TAOK2: variants seen among roughly 807,000 people sequenced by gnomAD.
The protein encoded by TAOK2 is serine/threonine-protein kinase TAO2.
In TAOK2, 42 loss-of-function variants were observed where a neutral mutation model predicts 122.5. The observed-to-expected ratio is 0.34, with a 90% confidence interval of 0.27 to 0.44. TAOK2 has a LOEUF of 0.44. Among genes scored for constraint, TAOK2 ranks in the 20% least tolerant of loss-of-function variants. The probability of loss-of-function intolerance (pLI) is 1.00; values close to 1 mark genes in which losing one functional copy is unlikely to be tolerated. For synonymous variants in TAOK2, 704 were observed against 677.6 expected, an observed-to-expected ratio of 1.04 and a Z score of -0.61; for missense variants, 1,264 against 1,644.9, an observed-to-expected ratio of 0.77 and a Z score of 4.01.
intron 13 of TAOK2, among the ~76,000 whole-genome samples, chr16:29,984,541 G>T (rs2069720831): frequency 6.6e-6 from 1 of 152,126 alleles, no homozygotes; most frequent in African/African-American, 2.4e-5. Flanking sequence ...CAATTCTTCA[G>T]ATCCCATGGT....
Position 29,983,212 on chromosome 16 carries a change from GGAGGAGGAGGAGGAGGAA to G in TAOK2, c.1155_1172del (p.Glu387_Glu392del). 6.3e-7 allele frequency: 1 copy of G among 1,577,102 alleles called. No individual in the cohort carries two copies. Among genetic ancestry groups the G allele is most frequent in the Non-Finnish European group, 8.6e-7 (1 of 1,157,376 alleles). On this transcript the variant is annotated inframe_deletion, in exon 12 of 16. Coordinates refer to ENST00000308893, the MANE Select transcript of TAOK2 (RefSeq NM_016151.4). ...CAGATGCCTCAGACAACGAGGAAGA[GGAGGAGGAGGAGGAGGAA>G]GAGGAGGAGGAGGAAGAAGGCCCTG...
In TAOK2 at chr16:29,987,477, T is replaced by C. The variant is rs772206724; in HGVS notation, c.3205T>C (p.Trp1069Arg). The change falls in exon 16 of 16, where the codon TGG becomes CGG. Residue 1069 changes from tryptophan (W) to arginine (R), a missense_variant. Physicochemically the swap from Trp to Arg is moderately radical, Grantham distance 101. This residue lies in a region of TAOK2 where 824 missense variants were observed against 908.7 expected (regional missense o/e 0.91). Transcript: ENST00000308893. ...PLVAMAAGGR[W>R]VRQQGPRVRR... is the part of the protein sequence containing the mutation. ...GGTGGCTATGGCAGCGGGGGGCAGA[T>C]GGGTGCGGCAGCAGGGCCCCCGGGT... is the stretch of plus-strand genomic sequence containing the variant. 2 of 1,592,858 alleles carry C rather than the reference T, an allele frequency of 1.3e-6. No homozygotes were observed. Among genetic ancestry groups the C allele is most frequent in the Non-Finnish European group, 1.7e-6 (2 of 1,168,002 alleles).
In TAOK2 at chr16:29,986,934, G is replaced by T; in HGVS notation, c.2662G>T (p.Gly888Cys). The T allele has an allele frequency of 1.9e-6, 3 of 1,614,070 alleles. No homozygotes were observed. The South Asian group carries it at 3.3e-5, about 18-fold the overall frequency. Residue 888 changes from glycine to cysteine, a missense_variant, in exon 16 of 16, where the codon GGC (glycine) becomes TGC (cysteine). Physicochemically the swap from Gly to Cys is radical, Grantham distance 159. This residue lies in a region of TAOK2 where 824 missense variants were observed against 908.7 expected (regional missense o/e 0.91). Coordinates refer to ENST00000308893, the MANE Select transcript of TAOK2 (RefSeq NM_016151.4). This position sits in a 1 kb window ranked among gnomAD's most constrained non-coding sequence, Gnocchi z 4.2. ...ESLLDEEFEL[G>C]WVQGPALTPV... ...TCTTCTGGATGAGGAGTTTGAGCTT[G>T]GCTGGGTCCAGGGCCCAGCACTGAC...
Position 29,986,830 on chromosome 16 carries a change from C to T in TAOK2, c.2558C>T (p.Ser853Phe). ...PEEIEELRVP[S>F]LVPQERSIVG... ...GAGATAGAGGAGCTTAGGGTGCCCT[C>T]CCTTGTACCCCAGGAGAGGAGCATT... Residue 853 changes from serine to phenylalanine, a missense_variant, in exon 16 of 16, where the codon TCC (serine) becomes TTC (phenylalanine). By Grantham distance (155) the Ser-to-Phe change is radical (BLOSUM62 -2). This residue lies in a region of TAOK2 where 824 missense variants were observed against 908.7 expected (regional missense o/e 0.91). Transcript: ENST00000308893. The surrounding 1 kb of genome is among the most constrained non-coding windows in gnomAD (Gnocchi z 4.2). 1 of 1,614,040 alleles carries T rather than the reference C, an allele frequency of 6.2e-7. No homozygotes were observed. Among genetic ancestry groups the T allele is most frequent in the South Asian group, 1.1e-5 (1 of 91,074 alleles).
intron 1 of TAOK2, among the ~76,000 whole-genome samples, chr16:29,975,356 G>A (rs1014241373): frequency 3.3e-5 from 5 of 152,224 alleles, no homozygotes; most frequent in African/African-American, 1.2e-4. Context: ...GCCGAGAGAG[G>A]TTGCCCAAGG....
chr16:29,983,419 C>CT, intron 12 of TAOK2, 84 bp from the exon 13 acceptor site: 1 of 1,561,758 alleles, frequency 6.4e-7, no homozygotes, highest in South Asian at 1.2e-5. Flanking sequence ...CAGCACTCCT[C>CT]TGAGTCTGAT....
At position 29,982,522 on chromosome 16, in the gene TAOK2, G is replaced by A. The variant is rs528273075; in HGVS notation, c.832-212G>A. Among the ~76,000 whole-genome samples, 101 of 152,354 alleles carry A rather than the reference G, an allele frequency of 6.6e-4. 1 individual carries two copies. The highest frequency in any genetic ancestry group is 2.2e-3 in the African/African-American group (92 of 41,566). On this transcript the variant is annotated intron_variant, in intron 10 of 15. Coordinates refer to ENST00000308893, the MANE Select transcript of TAOK2 (RefSeq NM_016151.4). ...CCAGTTCTCCTGACTGTCCCTGCCT[G>A]TCAGCCATGCTTAGAGGAAGAAGAG... is the stretch of plus-strand genomic sequence containing the variant.
At chr16:29,984,000 G>GGGAGCCCTGTGCCTGT (rs1434105266) in intron 13 of TAOK2, among the ~76,000 whole-genome samples, 1 of 152,192 alleles carries the variant, frequency 6.6e-6, no homozygotes, top group Non-Finnish European at 1.5e-5. Flanking sequence ...CCAGTGCTGG[G>GGGAGCCCTGTGCCTGT]GGAGCCCTGT....
Position 29,987,201 on chromosome 16 carries a change from C to T in TAOK2, c.2929C>T (p.Leu977=). 6.4e-7 allele frequency: 1 copy of T among 1,552,572 alleles called. No homozygotes were observed. The highest frequency in any genetic ancestry group is 1.4e-5 in the African/African-American group (1 of 72,786). Residue 977 remains leucine, a synonymous_variant, in exon 16 of 16, where the codon CTG becomes TTG. Coordinates refer to ENST00000308893, the MANE Select transcript of TAOK2 (RefSeq NM_016151.4). Reference sequence around the variant, plus strand: ...CCTGCTGCTGCTGCTGCTTCCATTGCTGGCAGCCCAGGGTGGGGGTGGCCT... The same window carrying T: ...CCTGCTGCTGCTGCTGCTTCCATTGTTGGCAGCCCAGGGTGGGGGTGGCCT... ...PLLLLLLLPL[L]AAQGGGGLQA...
In TAOK2 at chr16:29,983,652, A is replaced by G; in HGVS notation, c.1410A>G (p.Arg470=). 8.1e-6 allele frequency: 13 copies of G among 1,611,458 alleles called. No homozygotes were observed. The highest frequency in any genetic ancestry group is 1.1e-5 in the Non-Finnish European group (13 of 1,179,364). ...CRNRDHFATI[R]TASLVSRQIQ... ...ACCGAGACCACTTTGCCACCATCCG[A>G]ACCGCCTCCCTGGTGAGTGTAGCCA... is the stretch of plus-strand genomic sequence containing the variant. Residue 470 remains arginine (R), a synonymous_variant, in exon 13 of 16, where the codon CGA becomes CGG. Coordinates refer to ENST00000308893, the MANE Select transcript of TAOK2 (RefSeq NM_016151.4).
chr16:29,977,682 T>A, intron 1 of TAOK2, 56 bp from the exon 2 acceptor site: 1 of 1,510,572 alleles, frequency 6.6e-7, no homozygotes, highest in Admixed American at 2.1e-5. Flanking sequence ...ATGGGTCCCT[T>A]CCTCTCCCTG....
downstream of TAOK2, chr16:29,991,698 CCTCAT>C: frequency 1.7e-6 from 2 of 1,191,434 alleles, no homozygotes; most frequent in East Asian, 3.2e-5. The surrounding 1 kb of genome is among the most constrained non-coding windows in gnomAD (Gnocchi z 5.6). Context: ...CCTCAGACCT[CCTCAT>C]CTCATGAGCT....
At chr16:29,991,124 G>A, downstream of TAOK2, 1 of 1,607,436 alleles carries the variant, frequency 6.2e-7, no homozygotes, top group Non-Finnish European at 8.5e-7. This position sits in a 1 kb window ranked among gnomAD's most constrained non-coding sequence, Gnocchi z 5.6. Context: ...AGGCCCGTGA[G>A]ATCGAGGCCT....
chr16:29,975,550 C>T (rs142260361), intron 1 of TAOK2, among the ~76,000 whole-genome samples: 80 of 152,306 alleles, frequency 5.3e-4, no homozygotes, highest in African/African-American at 1.7e-3. Flanking sequence ...GAGGGCTCTA[C>T]TCAGAAGCTT....
chr16:29,983,496 C>T lies in TAOK2; in HGVS notation c.1261-7C>T, dbSNP rs1184559381. 4 of 1,604,014 alleles carry T rather than the reference C, an allele frequency of 2.5e-6. No individual in the cohort carries two copies. Among genetic ancestry groups the T allele is most frequent in the African/African-American group, 2.7e-5 (2 of 74,770 alleles). On this transcript the variant is annotated splice_polypyrimidine_tract_variant and splice_region_variant and intron_variant, in intron 12 of 15. Coordinates refer to ENST00000308893, the MANE Select transcript of TAOK2 (RefSeq NM_016151.4). ...GAGCCTTGGGTGTTCCTTCTATCTC[C>T]CTCTAGGGCTCTGACAACCTATATG...
At position 29,981,687 on chromosome 16, in the gene TAOK2, A is replaced by G; in HGVS notation, c.682A>G (p.Met228Val). 6.2e-7 allele frequency: 1 copy of G among 1,614,162 alleles called. No homozygotes were observed. Among genetic ancestry groups the G allele is most frequent in the Non-Finnish European group, 8.5e-7 (1 of 1,180,036 alleles). Residue 228 changes from methionine to valine, a missense_variant, in exon 9 of 16, where the codon ATG (methionine) becomes GTG (valine). Physicochemically the swap from Met to Val is conservative, Grantham distance 21. This residue lies in a region of TAOK2 where 254 missense variants were observed against 503.8 expected (regional missense o/e 0.50). Transcript: ENST00000308893. The part of the protein sequence containing the change: ...LAERKPPLFN[M>V]NAMSALYHIA... ...TGAACGGAAACCACCGCTCTTTAAC[A>G]TGAATGCGATGAGTGCCTTATACCA...
chr16:29,988,851 T>C, downstream of TAOK2: 1 of 985,170 alleles, frequency 1.0e-6, no homozygotes. Flanking sequence ...GGCAGCAGGA[T>C]TGAGTGTGGG....
At chr16:29,981,141 A>C (rs1259672812) in intron 8 of TAOK2, 1 of 182,606 alleles carries the variant, frequency 5.5e-6, no homozygotes, top group African/African-American at 2.4e-5. Context: ...GCTTTTTACA[A>C]AGCCCTTCTC....
chr16:29,984,203 C>T (rs1262455682), intron 13 of TAOK2, among the ~76,000 whole-genome samples: 1 of 152,178 alleles, frequency 6.6e-6, no homozygotes, highest in Non-Finnish European at 1.5e-5. Context: ...CCTGTGTTAA[C>T]CCTCCCAGCC....
Sources: allele counts gnomAD v4.1 joint callset (sites outside exome capture counted in the v4.1 genomes callset), GRCh38; gene constraint gnomAD v4.1.1; regional missense constraint gnomAD v4.1.1; non-coding constraint Gnocchi (gnomAD v3.1); transcripts MANE v1.5; gene names NCBI Gene and HGNC (gene_info 2026-07-23, HGNC 2026-07-21).